The following PGAP4 variants were observed in gnomAD, a reference collection of about 807,000 sequenced individuals.
The protein encoded by PGAP4 is GPI-N-acetylgalactosamine transferase PGAP4.
A neutral mutation model predicts 28.2 loss-of-function variants in PGAP4; 12 were observed. That is an observed-to-expected ratio of 0.42 (90% confidence interval 0.27 to 0.69). The LOEUF (loss-of-function observed/expected upper bound fraction) is 0.69, where lower values mean the gene tolerates loss of function less well. PGAP4 is among the 30% of genes least tolerant of loss of function. The pLI, the probability that PGAP4 is intolerant of heterozygous loss-of-function variation, is 0.22. For missense variants in PGAP4, 425 were observed against 513.5 expected, an observed-to-expected ratio of 0.83 and a Z score of 1.67; for synonymous variants, 205 against 211.8, an observed-to-expected ratio of 0.97 and a Z score of 0.28.
chr9:101,502,926 A>G (rs1826816237), intron 2 of PGAP4, among the ~76,000 whole-genome samples: 1 of 152,082 alleles, frequency 6.6e-6, no homozygotes, highest in African/African-American at 2.4e-5. Flanking sequence ...AAGAATAAAG[A>G]TGTGGGTTGA....
At chr9:101,502,557 T>A (rs1332755087) in intron 2 of PGAP4, among the ~76,000 whole-genome samples, 1 of 151,942 alleles carries the variant, frequency 6.6e-6, no homozygotes, top group Non-Finnish European at 1.5e-5. Context: ...CACCCCACCA[T>A]CCTGATACCA....
chr9:101,505,301 T>C lies in PGAP4; in HGVS notation c.-164-16101A>G, dbSNP rs112673259. Among the ~76,000 whole-genome samples the C allele has an allele frequency of 4.9e-4, 74 of 152,100 alleles. 2 individuals carry two copies. Among genetic ancestry groups the C allele is most frequent in the African/African-American group, 1.6e-3 (68 of 41,488 alleles). On this transcript the variant is annotated intron_variant, in intron 2 of 3. Transcript: ENST00000374851. ...GAGAAGATTGTTCATCTAAAAGGGG[T>C]ACTTGAAACCCAGGTTTCCTGAATT...
In PGAP4 at chr9:101,499,729, C is replaced by T. The variant is rs114329884; in HGVS notation, c.-164-10529G>A. Among the ~76,000 whole-genome samples, 654 of 152,098 alleles carry T rather than the reference C, an allele frequency of 4.3e-3. 6 individuals carry two copies. Among genetic ancestry groups the T allele is most frequent in the African/African-American group, 0.014 (592 of 41,516 alleles). ...TCAGGCATACAAATGTGAGAACTCT[C>T]TCTTCATGGCCTTCCGTGGCTTTAT... On this transcript the variant is annotated intron_variant, in intron 2 of 3. Coordinates refer to the PGAP4 transcript ENST00000374851.
At chr9:101,527,548 T>C (rs1827046131) in intron 2 of PGAP4, among the ~76,000 whole-genome samples, 1 of 152,176 alleles carries the variant, frequency 6.6e-6, no homozygotes, top group Non-Finnish European at 1.5e-5. Flanking sequence ...CACAAGACAG[T>C]AGCTACACAA....
chr9:101,523,920 T>C (rs998145511), intron 2 of PGAP4, among the ~76,000 whole-genome samples: 2 of 152,064 alleles, frequency 1.3e-5, no homozygotes, highest in South Asian at 4.2e-4. Flanking sequence ...TTTTGTCTCA[T>C]GGGGTGTTCC....
intron 2 of PGAP4, among the ~76,000 whole-genome samples, chr9:101,518,440 T>TC (rs1348447825): frequency 6.6e-6 from 1 of 152,168 alleles, no homozygotes; most frequent in East Asian, 1.9e-4. Context: ...CTTCCATTCT[T>TC]CCCCCCAAGT....
chr9:101,510,709 G>A (rs1017915345), intron 2 of PGAP4, among the ~76,000 whole-genome samples: 2 of 152,144 alleles, frequency 1.3e-5, no homozygotes, highest in East Asian at 1.9e-4. Context: ...TGGTTAGCAT[G>A]TGGGCTTACC....
chr9:101,530,552 G>T (rs1482891988), intron 2 of PGAP4, among the ~76,000 whole-genome samples: 1 of 152,278 alleles, frequency 6.6e-6, no homozygotes, highest in African/African-American at 2.4e-5. Flanking sequence ...ATAAGTGAGG[G>T]AAAAACTTAT....
upstream of PGAP4, among the ~76,000 whole-genome samples, chr9:101,491,041 A>G (rs997394095): frequency 1.4e-4 from 22 of 152,162 alleles, no homozygotes; most frequent in African/African-American, 5.3e-4. Context: ...ACACCATTTA[A>G]TAATACCAGC....
intron 2 of PGAP4, among the ~76,000 whole-genome samples, chr9:101,521,143 T>G (rs1826985726): frequency 1.3e-5 from 2 of 152,136 alleles, no homozygotes; most frequent in South Asian, 4.1e-4. Context: ...AGGATTTTAG[T>G]GTCTGTATTC....
At chr9:101,530,784 T>C (rs1038190268) in intron 2 of PGAP4, among the ~76,000 whole-genome samples, 2 of 152,230 alleles carry the variant, frequency 1.3e-5, no homozygotes, top group African/African-American at 2.4e-5. Flanking sequence ...CTGCAGAATA[T>C]GGTTACCTAC....
chr9:101,525,699 C>CA (rs397893277), intron 2 of PGAP4, among the ~76,000 whole-genome samples: 2,965 of 60,618 alleles, frequency 0.049, 81 homozygotes, highest in Non-Finnish European at 0.069. Context: ...CAGAGCGTCT[C>CA]AAAAAAAAAA....
rs765230616 is a variant in PGAP4 at position 101,474,337 on chromosome 9, G to A, written c.*1544C>T. The A allele has an allele frequency of 1.3e-5, 2 of 152,204 alleles. No homozygotes were observed. Among genetic ancestry groups the A allele is most frequent in the Admixed American group, 6.5e-5 (1 of 15,274 alleles). 9.4% of individuals were successfully genotyped at this position (152,204 alleles called of 1,614,324 possible). ...GAATTTAAAAGCAAACTGTGGCATC[G>A]AAACAAACTGGACAATTGCTTGAAC... is the stretch of plus-strand genomic sequence containing the variant. On this transcript the variant is annotated 3_prime_UTR_variant, in exon 2 of 2. Coordinates refer to ENST00000374848, the MANE Select transcript of PGAP4 (RefSeq NM_032342.3).
At position 101,475,940 on chromosome 9, in the gene PGAP4, C is replaced by T. The variant is rs775557693; in HGVS notation, c.1153G>A (p.Val385Met). 9.3e-6 allele frequency: 15 copies of T among 1,614,114 alleles called. No homozygotes were observed. The highest frequency in any genetic ancestry group is 3.3e-5 in the Admixed American group (2 of 60,010). Residue 385 changes from valine to methionine, a missense_variant, in exon 2 of 2, where the codon GTG becomes ATG. Transcript: ENST00000374848. ...CTGGAGAAGAGCCCGATGTGTTTCA[C>T]GAGGTTCGGCTCCACTACATAGGCC... Reference protein sequence around the residue: ...ERAYVVEPNLVKHIGLFSSLR... With the variant: ...ERAYVVEPNLMKHIGLFSSLR...
chr9:101,484,389 A>C (rs551930045), intron 1 of PGAP4, among the ~76,000 whole-genome samples: 3 of 152,284 alleles, frequency 2.0e-5, no homozygotes, highest in Non-Finnish European at 4.4e-5. Flanking sequence ...ATGCTGTGGA[A>C]ATGTTAAGAA....
chr9:101,498,326 C>A (rs1313106290), intron 2 of PGAP4, among the ~76,000 whole-genome samples: 1 of 151,732 alleles, frequency 6.6e-6, no homozygotes, highest in Admixed American at 6.6e-5. Context: ...GGCAGGGAAG[C>A]ATTTTAACCG....
chr9:101,494,263 G>C (rs923515069), intron 2 of PGAP4, among the ~76,000 whole-genome samples: 5 of 151,802 alleles, frequency 3.3e-5, no homozygotes, highest in Non-Finnish European at 5.9e-5. Context: ...TATAAAGAGA[G>C]AGCAGATTTT....
At position 101,486,705 on chromosome 9, in the gene PGAP4, T is replaced by A. The variant is rs1826623679; in HGVS notation, c.-78+244A>T. Reference sequence around the variant, plus strand: ...GGGCCCCTGCTGCCCTGGGGACCCCTGCGGGGTCCTCGCAATCCTCCGGCA... The same window carrying A: ...GGGCCCCTGCTGCCCTGGGGACCCCAGCGGGGTCCTCGCAATCCTCCGGCA... On this transcript the variant is annotated intron_variant, in intron 1 of 1. Transcript: ENST00000374848. The surrounding 1 kb of genome is among the most constrained non-coding windows in gnomAD (Gnocchi z 4.7). 6.6e-6 allele frequency among the ~76,000 whole-genome samples: 1 copy of A among 150,828 alleles called. No individual in the cohort carries two copies.
intron 2 of PGAP4, among the ~76,000 whole-genome samples, chr9:101,513,260 G>C (rs1457646193): frequency 6.6e-6 from 1 of 152,102 alleles, no homozygotes; most frequent in African/African-American, 2.4e-5. Flanking sequence ...AAGGTGAGAG[G>C]ACACTGGAAA....
Sources: gnomAD v4.1 joint callset for allele counts (sites outside exome capture counted in the v4.1 genomes callset) on GRCh38, gnomAD v4.1.1 for gene constraint, Gnocchi (gnomAD v3.1) non-coding constraint, MANE v1.5 for transcripts, NCBI Gene and HGNC (gene_info 2026-07-23, HGNC 2026-07-21) for gene names.